TRAPPC9: variants seen among roughly 807,000 people sequenced by gnomAD.
The protein encoded by TRAPPC9 is trafficking protein particle complex subunit 9.
TRAPPC9 carries 83 observed loss-of-function variants against 124.0 expected under a neutral mutation model. That is an observed-to-expected ratio of 0.67 (90% CI 0.56 to 0.80). The LOEUF is 0.80. Ranked by LOEUF, TRAPPC9 falls within the 30% of genes least tolerant of loss-of-function variation. TRAPPC9 has a pLI of 0.00. For missense variants in TRAPPC9, 1,302 were observed against 1,508.3 expected, an observed-to-expected ratio of 0.86 and a Z score of 2.27; for synonymous variants, 638 against 617.5, an observed-to-expected ratio of 1.03 and a Z score of -0.49.
At chr8:140,112,927 G>A (rs1409342379) in intron 17 of TRAPPC9, among the ~76,000 whole-genome samples, 5 of 148,134 alleles carry the variant, frequency 3.4e-5, no homozygotes, top group South Asian at 2.1e-4. Flanking sequence ...TGCAACCTCC[G>A]CCTCCTGGTT....
chr8:140,190,121 C>T (rs1288272226), intron 17 of TRAPPC9, among the ~76,000 whole-genome samples: 1 of 152,202 alleles, frequency 6.6e-6, no homozygotes, highest in Non-Finnish European at 1.5e-5. Flanking sequence ...CAGAAGTGAA[C>T]AAGTTACTAA....
intron 14 of TRAPPC9, among the ~76,000 whole-genome samples, chr8:140,278,317 G>C (rs1405278930): frequency 6.6e-6 from 1 of 152,266 alleles, no homozygotes; most frequent in Middle Eastern, 3.4e-3. Flanking sequence ...TGTTGGCCAG[G>C]CCGGTCTCGA....
intron 17 of TRAPPC9, among the ~76,000 whole-genome samples, chr8:140,075,731 G>A (rs915959821): frequency 2.0e-5 from 3 of 152,146 alleles, no homozygotes; most frequent in Admixed American, 6.5e-5. Flanking sequence ...CCAAGTGTTC[G>A]GATGCCCTTC....
chr8:140,283,294 CTTTTTTT>C (rs376320364), intron 14 of TRAPPC9, among the ~76,000 whole-genome samples: 1 of 97,228 alleles, frequency 1.0e-5, no homozygotes, highest in Non-Finnish European at 1.9e-5. Context: ...ATTAAAATTC[CTTTTTTT>C]TTTTTTTTTT....
intron 17 of TRAPPC9, among the ~76,000 whole-genome samples, chr8:140,085,645 G>A (rs1052718390): frequency 3.9e-5 from 6 of 152,142 alleles, no homozygotes; most frequent in East Asian, 3.9e-4. Context: ...ATTTCAGAGT[G>A]AGCATCCCCC....
chr8:140,313,009 C>G (rs1423854192), intron 9 of TRAPPC9, among the ~76,000 whole-genome samples: 13 of 152,216 alleles, frequency 8.5e-5, no homozygotes, highest in African/African-American at 3.1e-4. Context: ...ATCCCCCCAC[C>G]TTGGCCTTCC....
chr8:140,277,267 C>T (rs915908994), intron 14 of TRAPPC9, among the ~76,000 whole-genome samples: 3 of 152,196 alleles, frequency 2.0e-5, no homozygotes, highest in Non-Finnish European at 4.4e-5. Context: ...CTTCTGCATC[C>T]AAACCAAATT....
intron 7 of TRAPPC9, among the ~76,000 whole-genome samples, chr8:140,377,108 T>C (rs557367766): frequency 6.6e-6 from 1 of 152,296 alleles, no homozygotes; most frequent in Non-Finnish European, 1.5e-5. Context: ...ATCACCTCAG[T>C]TCCAGCCTTT....
intron 17 of TRAPPC9, chr8:140,098,984 T>A (rs2060513334): frequency 6.6e-6 from 1 of 152,156 alleles, no homozygotes; most frequent in African/African-American, 2.4e-5. Flanking sequence ...TCCGCCCAGA[T>A]CCTCCACAGC....
intron 5 of TRAPPC9, among the ~76,000 whole-genome samples, chr8:140,417,100 T>TA (rs1229249200): frequency 2.0e-5 from 3 of 152,188 alleles, no homozygotes; most frequent in Non-Finnish European, 4.4e-5. Flanking sequence ...ACGTAGGACC[T>TA]AAAATCATAA....
intron 17 of TRAPPC9, among the ~76,000 whole-genome samples, chr8:140,143,829 C>G (rs2061416899): frequency 6.6e-6 from 1 of 152,140 alleles, no homozygotes; most frequent in Non-Finnish European, 1.5e-5. Flanking sequence ...ATTCCATATT[C>G]CATCAATTCT....
chr8:140,194,347 C>T (rs1278236512), intron 17 of TRAPPC9, among the ~76,000 whole-genome samples: 1 of 152,022 alleles, frequency 6.6e-6, no homozygotes, highest in Non-Finnish European at 1.5e-5. Context: ...TATAAAATAG[C>T]ACATCTGTAT....
At chr8:140,362,873 T>C (rs189851531) in intron 8 of TRAPPC9, among the ~76,000 whole-genome samples, 11 of 152,298 alleles carry the variant, frequency 7.2e-5, no homozygotes, top group Non-Finnish European at 1.5e-4. Flanking sequence ...TAAAAATAGA[T>C]AATGATCCAG....
chr8:140,235,157 G>A (rs1026125506), intron 16 of TRAPPC9, among the ~76,000 whole-genome samples: 1 of 152,106 alleles, frequency 6.6e-6, no homozygotes, highest in Non-Finnish European at 1.5e-5. Context: ...ATTTTTAGTA[G>A]AGATAGGGTT....
At chr8:139,935,669 C>CTTTT (rs377706417) in intron 19 of TRAPPC9, among the ~76,000 whole-genome samples, 1 of 132,566 alleles carries the variant, frequency 7.5e-6, no homozygotes, top group Non-Finnish European at 1.6e-5. Context: ...TCAGTCTTTG[C>CTTTT]TTTTTTTTTT....
intron 16 of TRAPPC9, among the ~76,000 whole-genome samples, chr8:140,247,781 A>G (rs1243975181): frequency 1.3e-5 from 2 of 150,674 alleles, no homozygotes; most frequent in Admixed American, 6.6e-5. Context: ...CTCTCTTTTC[A>G]TCTTCTGCTT....
chr8:140,124,674 A>AGGAAGACCCTCAGAGG (rs1207526200), intron 17 of TRAPPC9, among the ~76,000 whole-genome samples: 1 of 149,858 alleles, frequency 6.7e-6, no homozygotes, highest in African/African-American at 2.5e-5. Flanking sequence ...AGCCCCTCAC[A>AGGAAGACCCTCAGAGG]GGAAGACCCT....
chr8:139,897,335 A>G (rs1830727260), intron 20 of TRAPPC9, among the ~76,000 whole-genome samples: 2 of 152,240 alleles, frequency 1.3e-5, no homozygotes, highest in African/African-American at 4.8e-5. Flanking sequence ...TTCCTCTGCC[A>G]TCCCTGCTCA....
chr8:140,066,584 G>T (rs1156575672), intron 17 of TRAPPC9, among the ~76,000 whole-genome samples: 2 of 152,188 alleles, frequency 1.3e-5, no homozygotes, highest in African/African-American at 4.8e-5. Context: ...GTTTTTATTA[G>T]GTTTACTCTA....
Sources: gnomAD v4.1 joint callset for allele counts (sites outside exome capture counted in the v4.1 genomes callset) on GRCh38, gnomAD v4.1.1 for gene constraint, MANE v1.5 for transcripts, NCBI Gene and HGNC (gene_info 2026-07-23, HGNC 2026-07-21) for gene names.